The following SPIDR variants were observed in gnomAD, a reference collection of about 807,000 sequenced individuals.
The protein encoded by SPIDR is DNA repair-scaffolding protein.
Under a neutral mutation model 104.6 loss-of-function variants are expected in SPIDR, and 93 were observed. That is an observed-to-expected ratio of 0.89 (90% CI 0.75 to 1.06). SPIDR has a LOEUF of 1.06. SPIDR is among the 50% of genes least tolerant of loss of function. The pLI, the probability that SPIDR is intolerant of heterozygous loss-of-function variation, is 0.00. For missense variants in SPIDR, 1,154 were observed against 1,111.2 expected (o/e 1.04, Z -0.55); for synonymous variants, 431 against 416.9 (o/e 1.03, Z -0.41).
At chr8:47,479,488 G>A (rs2076649423) in intron 8 of SPIDR, among the ~76,000 whole-genome samples, 1 of 152,188 alleles carries the variant, frequency 6.6e-6, no homozygotes, top group African/African-American at 2.4e-5. Context: ...TACAACTTCT[G>A]TCTCAAGGTC....
intron 8 of SPIDR, among the ~76,000 whole-genome samples, chr8:47,543,310 C>T (rs1411855987): frequency 6.6e-6 from 1 of 152,130 alleles, no homozygotes; most frequent in East Asian, 1.9e-4. Context: ...GATCCAGTTT[C>T]TCCATACCAG....
intron 10 of SPIDR, among the ~76,000 whole-genome samples, chr8:47,603,906 T>A (rs376475209): frequency 3.3e-5 from 5 of 152,194 alleles, no homozygotes; most frequent in African/African-American, 1.2e-4. Context: ...TTTACTCCTC[T>A]TTTTGGTCTT....
intron 8 of SPIDR, among the ~76,000 whole-genome samples, chr8:47,526,638 G>A (rs1409782378): frequency 1.3e-5 from 2 of 152,188 alleles, no homozygotes; most frequent in East Asian, 3.9e-4. Context: ...GCTAACTGCA[G>A]GGTGCTGCAG....
At chr8:47,735,022 G>A (rs1261677067) in intron 19 of SPIDR, among the ~76,000 whole-genome samples, 1 of 152,114 alleles carries the variant, frequency 6.6e-6, no homozygotes, top group African/African-American at 2.4e-5. Flanking sequence ...TGTGTGCATC[G>A]TGTCCCAAGT....
intron 10 of SPIDR, chr8:47,654,052 G>A: frequency 1.6e-6 from 2 of 1,289,504 alleles, no homozygotes; most frequent in Non-Finnish European, 2.0e-6. Context: ...AGACAGATAG[G>A]GGCGTGGTAG....
At chr8:47,673,688 A>G in intron 10 of SPIDR, 113 bp from the exon 11 acceptor site, 4 of 1,378,212 alleles carry the variant, frequency 2.9e-6, no homozygotes, top group Admixed American at 4.2e-5. Context: ...TTTAAATTAT[A>G]TTGACCAGTC....
At chr8:47,614,373 C>T (rs1236670906) in intron 10 of SPIDR, among the ~76,000 whole-genome samples, 2 of 152,124 alleles carry the variant, frequency 1.3e-5, no homozygotes, top group Non-Finnish European at 2.9e-5. Flanking sequence ...AGACGTGCAC[C>T]ACAATGCCTG....
At chr8:47,325,858 C>G (rs545078195) in intron 5 of SPIDR, among the ~76,000 whole-genome samples, 12 of 152,180 alleles carry the variant, frequency 7.9e-5, no homozygotes, top group Admixed American at 1.3e-4. Context: ...TTTCCTGGCC[C>G]TAAGCACTAT....
intron 8 of SPIDR, among the ~76,000 whole-genome samples, chr8:47,488,393 A>G (rs2154365239): frequency 6.6e-6 from 1 of 152,342 alleles, no homozygotes; most frequent in African/African-American, 2.4e-5. Flanking sequence ...CCATGACCAG[A>G]AGGATTCACA....
intron 5 of SPIDR, 110 bp downstream of exon 5, chr8:47,294,140 T>G: frequency 7.2e-7 from 1 of 1,382,876 alleles, no homozygotes; most frequent in East Asian, 2.3e-5. Flanking sequence ...GAACAACCAC[T>G]TTTGACTCTT....
intron 5 of SPIDR, among the ~76,000 whole-genome samples, chr8:47,391,123 G>T (rs2060532403): frequency 6.6e-6 from 1 of 152,158 alleles, no homozygotes. Context: ...TGGTATGAGA[G>T]TTCCTCCGTG....
intron 10 of SPIDR, among the ~76,000 whole-genome samples, chr8:47,663,821 TAAATC>T (rs1223380120): frequency 1.3e-5 from 2 of 152,098 alleles, no homozygotes; most frequent in South Asian, 2.1e-4. Context: ...CCAATGGAAA[TAAATC>T]AAAGAAACAG....
chr8:47,624,187 A>G (rs1320202653), intron 10 of SPIDR, among the ~76,000 whole-genome samples: 1 of 152,234 alleles, frequency 6.6e-6, no homozygotes, highest in Non-Finnish European at 1.5e-5. Flanking sequence ...TTTGAAACCA[A>G]TGAGAACAAA....
chr8:47,368,150 A>G (rs546334997), intron 5 of SPIDR, among the ~76,000 whole-genome samples: 1 of 151,768 alleles, frequency 6.6e-6, no homozygotes, highest in Admixed American at 6.6e-5. Context: ...GCTCTCTGGG[A>G]CCTTTTTAAT....
At chr8:47,664,864 C>G (rs2074686975) in intron 10 of SPIDR, among the ~76,000 whole-genome samples, 1 of 150,984 alleles carries the variant, frequency 6.6e-6, no homozygotes, top group African/African-American at 2.4e-5. Flanking sequence ...CCACTGCACT[C>G]CAGCCTGGGT....
chr8:47,517,275 C>T (rs866733334), intron 8 of SPIDR, among the ~76,000 whole-genome samples: 4 of 152,174 alleles, frequency 2.6e-5, no homozygotes, highest in Middle Eastern at 3.4e-3. Flanking sequence ...TGTGAGCCAC[C>T]GTGCCTGGCA....
At chr8:47,648,450 G>A (rs1450068106) in intron 10 of SPIDR, among the ~76,000 whole-genome samples, 3 of 152,184 alleles carry the variant, frequency 2.0e-5, no homozygotes, top group Non-Finnish European at 2.9e-5. Flanking sequence ...CAGAATTAGG[G>A]TAGTATAAAC....
chr8:47,384,683 GC>G, intron 5 of SPIDR, among the ~76,000 whole-genome samples: 1 of 152,260 alleles, frequency 6.6e-6, no homozygotes. Context: ...TTAGACAGAT[GC>G]GGGGCTTCCC....
intron 7 of SPIDR, 147 bp from the exon 8 acceptor site, chr8:47,440,176 T>C (rs1196487547): frequency 7.7e-6 from 5 of 648,046 alleles, no homozygotes; most frequent in Non-Finnish European, 1.3e-5. Flanking sequence ...GTAGTGTCTC[T>C]GTTTTACTTT....
Sources: gnomAD v4.1 joint callset for allele counts (sites outside exome capture counted in the v4.1 genomes callset) on GRCh38, gnomAD v4.1.1 for gene constraint, MANE v1.5 for transcripts, NCBI Gene and HGNC (gene_info 2026-07-23, HGNC 2026-07-21) for gene names.